DYM: variants seen among roughly 807,000 people sequenced by gnomAD.
The protein encoded by DYM is dyggve-Melchior-Clausen syndrome protein.
A neutral mutation model predicts 93.1 loss-of-function variants in DYM; 78 were observed. The observed-to-expected ratio is 0.84, with a 90% CI of 0.70 to 1.01. DYM has a LOEUF of 1.01. Ranked by LOEUF, DYM falls within the 50% of genes least tolerant of loss-of-function variation. DYM has a pLI of 0.00. For synonymous variants in DYM, 321 were observed against 319.7 expected, an observed-to-expected ratio of 1.00 and a Z score of -0.04; for missense variants, 789 against 845.0, an observed-to-expected ratio of 0.93 and a Z score of 0.82.
intron 14 of DYM, among the ~76,000 whole-genome samples, chr18:49,184,533 C>G (rs560083530): frequency 1.1e-4 from 17 of 152,228 alleles, no homozygotes; most frequent in African/African-American, 4.1e-4. Context: ...CATTCTAAGA[C>G]CCCCAGTGGA....
At chr18:49,201,902 C>T (rs923131011) in intron 14 of DYM, among the ~76,000 whole-genome samples, 3 of 152,174 alleles carry the variant, frequency 2.0e-5, no homozygotes, top group African/African-American at 7.2e-5. Flanking sequence ...TATTATTTTT[C>T]TGTCTTCACC....
At chr18:49,064,206 GAAC>G (rs920865476) in intron 17 of DYM, among the ~76,000 whole-genome samples, 1 of 152,042 alleles carries the variant, frequency 6.6e-6, no homozygotes, top group African/African-American at 2.4e-5. Context: ...AATCTAATCA[GAAC>G]AACTGCCATG....
intron 17 of DYM, among the ~76,000 whole-genome samples, chr18:49,090,229 G>T (rs2078921627): frequency 6.6e-6 from 1 of 152,180 alleles, no homozygotes; most frequent in African/African-American, 2.4e-5. Flanking sequence ...GAATGGGAGG[G>T]AGAGCCACTG....
At chr18:49,155,736 G>A (rs1173891418) in intron 15 of DYM, among the ~76,000 whole-genome samples, 1 of 152,216 alleles carries the variant, frequency 6.6e-6, no homozygotes. Flanking sequence ...ATCGTATGAT[G>A]CACTGAGAAG....
chr18:49,369,576 C>G (rs2066813396), intron 5 of DYM, among the ~76,000 whole-genome samples: 1 of 152,094 alleles, frequency 6.6e-6, no homozygotes, highest in Non-Finnish European at 1.5e-5. Flanking sequence ...CTCCATTTTC[C>G]AACTTTCAAA....
intron 17 of DYM, among the ~76,000 whole-genome samples, chr18:49,076,395 T>C (rs1284027464): frequency 6.6e-6 from 1 of 152,216 alleles, no homozygotes; most frequent in Non-Finnish European, 1.5e-5. Context: ...GCTATCGTAA[T>C]AGTTCAAGTA....
chr18:49,105,657 C>T (rs933501760), intron 16 of DYM, among the ~76,000 whole-genome samples: 3 of 152,166 alleles, frequency 2.0e-5, no homozygotes, highest in Admixed American at 6.5e-5. Context: ...GCCTTCATTT[C>T]GTTATGTATC....
chr18:49,402,912 T>C (rs564433620), intron 2 of DYM, among the ~76,000 whole-genome samples: 1 of 152,306 alleles, frequency 6.6e-6, no homozygotes, highest in African/African-American at 2.4e-5. Flanking sequence ...CTTCATTAAC[T>C]ACTGGTATGA....
intron 11 of DYM, among the ~76,000 whole-genome samples, chr18:49,270,477 C>A (rs2094666318): frequency 6.6e-6 from 1 of 152,072 alleles, no homozygotes; most frequent in East Asian, 1.9e-4. Context: ...AGGTATATGG[C>A]ATGAAGTCTA....
chr18:49,221,815 G>C (rs902938976), intron 13 of DYM, among the ~76,000 whole-genome samples: 1 of 152,004 alleles, frequency 6.6e-6, no homozygotes, highest in Non-Finnish European at 1.5e-5. Context: ...TAAATGACGA[G>C]TTAATGGGTG....
rs2081539059 is a variant in DYM, at chr18:49,441,268, AATATATAT to A, written c.-53-10829_-53-10822del. ...ATAATATTGTTATATATAATTATAT[AATATATAT>A]TATATAATTATATATAATATAATTA... is the stretch of plus-strand genomic sequence containing the variant. On this transcript the variant is annotated intron_variant, in intron 1 of 17. Transcript: ENST00000675505. 2.4e-4 allele frequency among the ~76,000 whole-genome samples: 8 copies of A among 33,878 alleles called. 1 individual carries two copies. Among genetic ancestry groups the A allele is most frequent in the Admixed American group, 1.7e-3 (3 of 1,778 alleles). 22.2% of individuals were successfully genotyped at this position (33,878 alleles called of 152,430 possible). A position where few individuals can be genotyped will look rare whatever the true frequency, so the allele number is the denominator to read the frequency against.
intron 14 of DYM, among the ~76,000 whole-genome samples, chr18:49,179,761 CCT>C (rs1338399697): frequency 6.6e-6 from 1 of 152,104 alleles, no homozygotes; most frequent in African/African-American, 2.4e-5. Context: ...TCTACTGCTT[CCT>C]CTGTATGTAA....
chr18:49,424,797 C>T (rs1201738967), intron 2 of DYM, among the ~76,000 whole-genome samples: 2 of 152,074 alleles, frequency 1.3e-5, no homozygotes, highest in Non-Finnish European at 2.9e-5. Flanking sequence ...TTCACAATTG[C>T]TTCAAAGAGA....
At chr18:49,200,069 G>A (rs544929642) in intron 14 of DYM, among the ~76,000 whole-genome samples, 71 of 152,050 alleles carry the variant, frequency 4.7e-4, no homozygotes, top group Non-Finnish European at 8.7e-4. Context: ...TCATACTGAG[G>A]AACTCCTATC....
At chr18:49,402,962 CT>C (rs1433407286) in intron 2 of DYM, among the ~76,000 whole-genome samples, 1 of 152,132 alleles carries the variant, frequency 6.6e-6, no homozygotes, top group Non-Finnish European at 1.5e-5. Flanking sequence ...CAGTTCTCAT[CT>C]GTAAAATGGA....
chr18:49,453,487 C>T (rs920303342), intron 1 of DYM, among the ~76,000 whole-genome samples: 3 of 152,146 alleles, frequency 2.0e-5, no homozygotes, highest in Admixed American at 6.5e-5. Flanking sequence ...AGCGAGAGCA[C>T]GAACCCACCA....
intron 15 of DYM, among the ~76,000 whole-genome samples, chr18:49,159,925 A>G (rs948016478): frequency 2.0e-5 from 3 of 152,170 alleles, no homozygotes; most frequent in African/African-American, 7.2e-5. Flanking sequence ...AAAAGCATTC[A>G]TAACTGATTT....
intron 14 of DYM, among the ~76,000 whole-genome samples, chr18:49,190,355 A>G (rs117469796): frequency 2.0e-3 from 304 of 152,336 alleles, no homozygotes; most frequent in Admixed American, 3.5e-3. Flanking sequence ...TTACATTGCT[A>G]TCTTTAAAAG....
At chr18:49,049,576 G>A (rs566127727) in intron 17 of DYM, 5 of 152,378 alleles carry the variant, frequency 3.3e-5, no homozygotes, top group Non-Finnish European at 5.9e-5. Context: ...GATAAGCCAC[G>A]TGAAGGGCTT....
Sources: gnomAD v4.1 joint callset for allele counts (sites outside exome capture counted in the v4.1 genomes callset) on GRCh38, gnomAD v4.1.1 for gene constraint, MANE v1.5 for transcripts, NCBI Gene and HGNC (gene_info 2026-07-23, HGNC 2026-07-21) for gene names.